The following RGS8 variants were observed in gnomAD, a reference collection of about 807,000 sequenced individuals.
RGS8 encodes regulator of G protein signaling 8, also known as regulator of G-protein signaling 8.
RGS8 carries 8 observed loss-of-function variants against 21.7 expected under a neutral mutation model. The observed-to-expected ratio is 0.37, with a 90% CI of 0.22 to 0.66. The LOEUF is 0.66. RGS8 is among the 30% of genes least tolerant of loss of function. RGS8 has a pLI of 0.59. For missense variants in RGS8, 157 were observed against 217.9 expected, an observed-to-expected ratio of 0.72 and a Z score of 1.76; for synonymous variants, 80 against 83.6, an observed-to-expected ratio of 0.96 and a Z score of 0.24.
chr1:182,700,616 T>A, the RGS8 span, among the ~76,000 whole-genome samples: 1 of 152,242 alleles, frequency 6.6e-6, no homozygotes, highest in Non-Finnish European at 1.5e-5. Context: ...GATAGCAGAA[T>A]TGCTGGAAGT....
At chr1:182,658,149 C>T (rs1006748655) in intron 5 of RGS8, among the ~76,000 whole-genome samples, 5 of 152,212 alleles carry the variant, frequency 3.3e-5, no homozygotes, top group Non-Finnish European at 7.3e-5. Context: ...ACCTGAGCAT[C>T]CACAGAATCT....
At chr1:182,700,498 G>A in the RGS8 span, among the ~76,000 whole-genome samples, 2 of 152,188 alleles carry the variant, frequency 1.3e-5, no homozygotes, top group African/African-American at 2.4e-5. Flanking sequence ...GGAGGTGCCA[G>A]TCCAGGGTGG....
the RGS8 span, among the ~76,000 whole-genome samples, chr1:182,722,729 C>A: frequency 6.6e-6 from 1 of 152,106 alleles, no homozygotes; most frequent in African/African-American, 2.4e-5. Flanking sequence ...GTAATCCCAG[C>A]ACTTTGGGAG....
the RGS8 span, among the ~76,000 whole-genome samples, chr1:182,697,828 T>C: frequency 6.6e-6 from 1 of 152,248 alleles, no homozygotes; most frequent in Non-Finnish European, 1.5e-5. Context: ...TAATTCGTCT[T>C]TCAATTGATA....
intron 5 of RGS8, among the ~76,000 whole-genome samples, chr1:182,655,355 G>A (rs1663223859): frequency 6.6e-6 from 1 of 152,232 alleles, no homozygotes; most frequent in South Asian, 2.1e-4. Context: ...TCCAGGTGGG[G>A]TGGAGAGAAA....
intron 5 of RGS8, among the ~76,000 whole-genome samples, chr1:182,649,125 A>G (rs615459): frequency 0.099 from 15,092 of 152,200 alleles, 1,589 homozygotes; most frequent in African/African-American, 0.26. Flanking sequence ...GAGTCATAGT[A>G]ATATTACGAA....
upstream of RGS8, among the ~76,000 whole-genome samples, chr1:182,676,917 A>G (rs1454487088): frequency 1.3e-5 from 2 of 152,210 alleles, 1 homozygote; most frequent in South Asian, 4.1e-4. Flanking sequence ...TGCCCGGTCT[A>G]TTTCTCAGGG....
the RGS8 span, among the ~76,000 whole-genome samples, chr1:182,706,060 G>T: frequency 3.2e-4 from 48 of 152,172 alleles, no homozygotes; most frequent in Non-Finnish European, 5.0e-4. Flanking sequence ...TCGGGTCCCC[G>T]CAACCTCTGC....
chr1:182,742,028 G>A, the RGS8 span, among the ~76,000 whole-genome samples: 1 of 148,582 alleles, frequency 6.7e-6, no homozygotes, highest in Non-Finnish European at 1.5e-5. Flanking sequence ...TCTCAGACGG[G>A]GCGTCCGGGC....
chr1:182,686,931 G>A (rs1159064003), upstream of RGS8, among the ~76,000 whole-genome samples: 1 of 152,146 alleles, frequency 6.6e-6, no homozygotes, highest in East Asian at 1.9e-4. Context: ...AGGACCAGAG[G>A]AATGAAGTGT....
intron 2 of RGS8, 149 bp from the exon 4 acceptor site, chr1:182,669,901 A>G: frequency 1.2e-6 from 1 of 846,042 alleles, no homozygotes. Context: ...AGCAGGGGCG[A>G]CAAACCAAGG....
chr1:182,649,877 C>G (rs1036343268), intron 5 of RGS8, among the ~76,000 whole-genome samples: 10 of 151,804 alleles, frequency 6.6e-5, no homozygotes, highest in Non-Finnish European at 1.5e-4. Flanking sequence ...TTTCTAAAAT[C>G]CCCCAGAAGA....
At chr1:182,708,900 A>T in the RGS8 span, among the ~76,000 whole-genome samples, 10 of 152,172 alleles carry the variant, frequency 6.6e-5, no homozygotes, top group African/African-American at 2.4e-4. Flanking sequence ...CTGCTCCCCA[A>T]GCAGCTCTGG....
chr1:182,689,305 A>C (rs12741969), upstream of RGS8, among the ~76,000 whole-genome samples: 383 of 130,650 alleles, frequency 2.9e-3, 1 homozygote, highest in South Asian at 6.1e-3. Flanking sequence ...ACACACACAC[A>C]CCCCACAAGT....
At chr1:182,748,146 A>G in the RGS8 span, among the ~76,000 whole-genome samples, 1 of 152,190 alleles carries the variant, frequency 6.6e-6, no homozygotes, top group Non-Finnish European at 1.5e-5. Context: ...CTTTATGTTT[A>G]TCAAGAATAC....
the RGS8 span, among the ~76,000 whole-genome samples, chr1:182,689,768 G>A: frequency 2.0e-5 from 3 of 152,154 alleles, no homozygotes; most frequent in Non-Finnish European, 2.9e-5. Context: ...TTTATATATA[G>A]AGCCATGAAA....
intron 5 of RGS8, among the ~76,000 whole-genome samples, chr1:182,664,893 G>GAACT (rs1416476502): frequency 6.6e-6 from 1 of 152,186 alleles, no homozygotes; most frequent in Non-Finnish European, 1.5e-5. Context: ...TAGCTGGAGG[G>GAACT]AACTGCTCAT....
chr1:182,666,298 A>G (rs1013613274), intron 4 of RGS8, among the ~76,000 whole-genome samples: 72 of 152,222 alleles, frequency 4.7e-4, no homozygotes, highest in Admixed American at 4.3e-3. Context: ...AAGTAAGTAC[A>G]TGATTTAAAG....
the RGS8 span, among the ~76,000 whole-genome samples, chr1:182,749,402 A>G: frequency 6.6e-6 from 1 of 152,150 alleles, no homozygotes; most frequent in Non-Finnish European, 1.5e-5. Context: ...ATTTAAATGC[A>G]TGGATTTAGT....
Sources: allele counts gnomAD v4.1 joint callset (sites outside exome capture counted in the v4.1 genomes callset), GRCh38; gene constraint gnomAD v4.1.1; transcripts MANE v1.5; gene names NCBI Gene and HGNC (gene_info 2026-07-23, HGNC 2026-07-21).